MRO: variants seen among roughly 807,000 people sequenced by gnomAD.
The protein encoded by MRO is maestro.
In MRO, 28 loss-of-function variants were observed where a neutral mutation model predicts 31.0. The ratio of observed to expected loss-of-function variants is 0.90; its 90% CI spans 0.67 to 1.24. The LOEUF is 1.24. Ranked by LOEUF, MRO falls within the 50% of genes most tolerant of loss-of-function variation. The probability of loss-of-function intolerance (pLI) is 0.00; values close to 1 mark genes in which losing one functional copy is unlikely to be tolerated. For missense variants in MRO, 332 were observed against 289.2 expected, an observed-to-expected ratio of 1.15 and a Z score of -1.07; for synonymous variants, 108 against 108.4, an observed-to-expected ratio of 1.00 and a Z score of 0.02.
intron 5 of MRO, 32 bp from the exon 6 acceptor site, chr18:50,801,536 G>A (rs758450451): frequency 1.4e-5 from 22 of 1,557,780 alleles, no homozygotes; most frequent in Non-Finnish European, 1.6e-5. Context: ...CAATAAGAAA[G>A]CCAGATCATT....
intron 2 of MRO, among the ~76,000 whole-genome samples, chr18:50,811,746 C>CTTTTTTTTTT (rs71171344): frequency 6.2e-5 from 5 of 80,154 alleles, no homozygotes; most frequent in African/African-American, 9.5e-5. Context: ...TGTGGTAATT[C>CTTTTTTTTTT]TTTTTTTTTT....
Position 50,799,355 on chromosome 18 carries a change from G to T in MRO, c.729C>A (p.Tyr243Ter). The T allele has an allele frequency of 6.2e-7, 1 of 1,613,968 alleles. No individual in the cohort carries two copies. The highest frequency in any genetic ancestry group is 8.5e-7 in the Non-Finnish European group (1 of 1,179,866). Reference protein sequence around the residue: ...HYHPEILQFFYANKIL With the variant: ...HYHPEILQFF ...TCTGCGCTTACAGAATTTTATTTGC[G>T]TAGAAGAACTGCAGGATCTCTGGAT... The change falls in exon 8 of 8, where the codon TAC becomes TAA. Residue 243 changes from tyrosine (Y) to a stop codon, truncating the protein, a stop_gained. Coordinates refer to ENST00000398439, the MANE Select transcript of MRO (RefSeq NM_031939.6). LOFTEE classifies it high-confidence loss of function.
At chr18:50,807,894 A>G (rs573235132) in intron 3 of MRO, among the ~76,000 whole-genome samples, 4 of 152,348 alleles carry the variant, frequency 2.6e-5, no homozygotes, top group Non-Finnish European at 2.9e-5. Flanking sequence ...CCTGGCCAAC[A>G]TGGCGAAACC....
chr18:50,820,525 A>G (rs148021830), upstream of MRO, among the ~76,000 whole-genome samples: 752 of 152,350 alleles, frequency 4.9e-3, 21 homozygotes, highest in Admixed American at 0.037. Context: ...GGAAAAAAGA[A>G]CAGTTATATT....
chr18:50,815,411 G>A (rs1024273404), intron 2 of MRO: 7 of 244,736 alleles, frequency 2.9e-5, no homozygotes, highest in Non-Finnish European at 5.8e-5. Context: ...GATGACAGTG[G>A]ATAGAATGGA....
upstream of MRO, among the ~76,000 whole-genome samples, chr18:50,824,841 G>A (rs552391471): frequency 5.3e-5 from 8 of 150,222 alleles, no homozygotes; most frequent in South Asian, 2.1e-4. Flanking sequence ...TTGGGAGGCC[G>A]AGACGGGAGG....
chr18:50,824,971 A>G (rs1242466153), upstream of MRO, among the ~76,000 whole-genome samples: 2 of 150,654 alleles, frequency 1.3e-5, no homozygotes, highest in African/African-American at 4.9e-5. Flanking sequence ...GCTACTTCGG[A>G]GGCTGAGGCA....
chr18:50,809,107 C>T (rs892262197), intron 3 of MRO, among the ~76,000 whole-genome samples, 195 bp downstream of exon 3: 8 of 143,220 alleles, frequency 5.6e-5, no homozygotes, highest in Non-Finnish European at 9.0e-5. Flanking sequence ...CACTGCAGTC[C>T]GCAGTCCAGC....
chr18:50,825,024 G>T (rs113483880), intron 1 of MRO, among the ~76,000 whole-genome samples: 4 of 147,220 alleles, frequency 2.7e-5, no homozygotes, highest in African/African-American at 1.0e-4. Context: ...AGCCGAGATC[G>T]CACCACTGCA....
intron 6 of MRO, among the ~76,000 whole-genome samples, chr18:50,800,882 C>T (rs1258417377): frequency 1.1e-5 from 1 of 88,850 alleles, no homozygotes; most frequent in Non-Finnish European, 2.3e-5. Flanking sequence ...GCAAAACTGT[C>T]TCAAAAAAAA....
In MRO at chr18:50,798,879, C is replaced by T. The variant is rs560822538; in HGVS notation, c.*458G>A. ...AATAAATCTTGGCAAGTAAAGGTAT[C>T]AATAGCAAAGTATCAATAGCAAATA... On this transcript the variant is annotated 3_prime_UTR_variant, in exon 8 of 8. Transcript: ENST00000398439. The T allele has an allele frequency of 3.3e-5, 5 of 149,382 alleles. No homozygotes were observed. Among genetic ancestry groups the T allele is most frequent in the East Asian group, 2.0e-4 (1 of 5,028 alleles). The allele number at this position is 149,382 out of a possible 1,614,324, so 9.3% of individuals were successfully genotyped here. A position where few individuals can be genotyped will look rare whatever the true frequency, so the allele number is the denominator to read the frequency against.
chr18:50,824,734 A>T (rs74316265), upstream of MRO, among the ~76,000 whole-genome samples: 1 of 146,898 alleles, frequency 6.8e-6, no homozygotes, highest in Non-Finnish European at 1.5e-5. Context: ...GATTACAGGC[A>T]TGAGCCACCA....
At chr18:50,806,155 G>C (rs1913901937) in intron 4 of MRO, among the ~76,000 whole-genome samples, 2 of 151,966 alleles carry the variant, frequency 1.3e-5, no homozygotes, top group Admixed American at 6.6e-5. Context: ...GGCTAGTCTT[G>C]AACTCCTGAC....
At chr18:50,823,679 G>T (rs1000627738), upstream of MRO, 4 of 152,960 alleles carry the variant, frequency 2.6e-5, no homozygotes, top group African/African-American at 9.7e-5. Flanking sequence ...AACTGTGCAG[G>T]CCATCAAGGT....
rs1009844921 is a variant in MRO, at chr18:50,796,421, A to G, written c.*2916T>C. ...GATAAAAAAAAAAACATAAAGCCAT[A>G]TACAAAAAAAAACTTTTCAGATAAG... is the stretch of plus-strand genomic sequence containing the variant. On this transcript the variant is annotated 3_prime_UTR_variant, in exon 8 of 8. Coordinates refer to ENST00000398439, the MANE Select transcript of MRO (RefSeq NM_031939.6). The G allele has an allele frequency of 1.3e-5, 2 of 151,960 alleles. No individual in the cohort carries two copies. The highest frequency in any genetic ancestry group is 3.8e-4 in the East Asian group (2 of 5,202). The allele number at this position is 151,960 out of a possible 1,614,324, so 9.4% of individuals were successfully genotyped here.
rs115327314 is a variant in MRO, at chr18:50,807,481, T to C, written c.100-631A>G. On this transcript the variant is annotated intron_variant, in intron 3 of 7. Transcript: ENST00000398439. ...TTAGCAAAGCATATCTGCAAACATC[T>C]AGTACACATCTACAAACATTTCAGC... Among the ~76,000 whole-genome samples, 451 of 152,214 alleles carry C rather than the reference T, an allele frequency of 3.0e-3. 3 individuals carry two copies. The highest frequency in any genetic ancestry group is 0.01 in the African/African-American group (427 of 41,454).
intron 2 of MRO, among the ~76,000 whole-genome samples, chr18:50,813,801 G>A (rs1914661979): frequency 6.6e-6 from 1 of 152,144 alleles, no homozygotes; most frequent in Admixed American, 6.5e-5. Context: ...AGTACTTGTG[G>A]ACACAAAGAA....
chr18:50,800,205 A>C (rs1309298516), intron 6 of MRO, 62 bp from the exon 7 acceptor site: 2 of 1,202,706 alleles, frequency 1.7e-6, no homozygotes, highest in East Asian at 5.1e-5. Context: ...AGCAAGGAAA[A>C]GTATCCTAGA....
chr18:50,818,021 C>T (rs1915083688), intron 2 of MRO, among the ~76,000 whole-genome samples: 1 of 138,510 alleles, frequency 7.2e-6, no homozygotes, highest in Non-Finnish European at 1.5e-5. Context: ...CTCCTTCCTG[C>T]CTGCAGTGCC....
Sources: allele counts gnomAD v4.1 joint callset (sites outside exome capture counted in the v4.1 genomes callset), GRCh38; gene constraint gnomAD v4.1.1; transcripts MANE v1.5; gene names NCBI Gene and HGNC (gene_info 2026-07-23, HGNC 2026-07-21).